CCDC141: variants seen among roughly 807,000 people sequenced by gnomAD.
The protein encoded by CCDC141 is coiled-coil domain containing 141.
Under a neutral mutation model 181.0 loss-of-function variants are expected in CCDC141, and 168 were observed. The observed-to-expected ratio is 0.93, with a 90% CI of 0.82 to 1.05. The LOEUF is 1.05. CCDC141 is among the 50% of genes least tolerant of loss of function. The probability of loss-of-function intolerance (pLI) is 0.00; values close to 1 mark genes in which losing one functional copy is unlikely to be tolerated. For synonymous variants in CCDC141, 666 were observed against 642.3 expected, an observed-to-expected ratio of 1.04 and a Z score of -0.56; for missense variants, 1,902 against 1,788.5, an observed-to-expected ratio of 1.06 and a Z score of -1.14.
intron 6 of CCDC141, among the ~76,000 whole-genome samples, chr2:178,939,854 CA>C (rs1212278692): frequency 5.9e-5 from 9 of 152,094 alleles, no homozygotes; most frequent in Admixed American, 5.9e-4. Flanking sequence ...AACTCACCCA[CA>C]AGGGGTAAAT....
chr2:178,993,273 G>T (rs774827756), intron 2 of CCDC141, among the ~76,000 whole-genome samples: 2 of 152,174 alleles, frequency 1.3e-5, no homozygotes, highest in African/African-American at 2.4e-5. Context: ...ACATACCCCA[G>T]ACTGGGGAAT....
At chr2:178,854,106 T>C (rs1392488946) in intron 19 of CCDC141, among the ~76,000 whole-genome samples, 3 of 152,244 alleles carry the variant, frequency 2.0e-5, no homozygotes, top group Non-Finnish European at 4.4e-5. Flanking sequence ...AAATAAATTA[T>C]CTTTGAAGAA....
At chr2:179,015,286 C>CATATCTCATCTATATCAT (rs1559049288) in intron 2 of CCDC141, among the ~76,000 whole-genome samples, 3 of 120,862 alleles carry the variant, frequency 2.5e-5, no homozygotes, top group Non-Finnish European at 3.4e-5. Context: ...ATCTATCTCT[C>CATATCTCATCTATATCAT]ATATATCTCA....
At chr2:178,961,538 G>T in intron 4 of CCDC141, 55 bp from the exon 5 acceptor site, 1 of 1,285,488 alleles carries the variant, frequency 7.8e-7, no homozygotes, top group Non-Finnish European at 1.1e-6. Context: ...CTTTTATACA[G>T]CAATATTCAG....
At chr2:179,017,931 C>T (rs1046010835) in intron 2 of CCDC141, among the ~76,000 whole-genome samples, 3 of 152,064 alleles carry the variant, frequency 2.0e-5, no homozygotes, top group Admixed American at 6.6e-5. Context: ...TCCTCTCCTA[C>T]TTGCTTAGTC....
chr2:178,909,393 T>G (rs186309829), intron 7 of CCDC141, among the ~76,000 whole-genome samples: 74 of 152,316 alleles, frequency 4.9e-4, no homozygotes, highest in Non-Finnish European at 9.7e-4. Flanking sequence ...TACTCCTTCA[T>G]TAGCTCAACA....
chr2:178,916,231 T>C (rs1688440321), intron 7 of CCDC141, among the ~76,000 whole-genome samples: 1 of 152,222 alleles, frequency 6.6e-6, no homozygotes, highest in African/African-American at 2.4e-5. Context: ...TAATTCATTA[T>C]ATAAACTGAA....
chr2:178,990,700 G>C (rs924419619), intron 2 of CCDC141, among the ~76,000 whole-genome samples: 1 of 151,862 alleles, frequency 6.6e-6, no homozygotes, highest in Non-Finnish European at 1.5e-5. Flanking sequence ...AAAGTGAAAC[G>C]CCAAAGGTCA....
At chr2:179,006,740 T>G (rs964542233) in intron 2 of CCDC141, among the ~76,000 whole-genome samples, 1 of 152,230 alleles carries the variant, frequency 6.6e-6, no homozygotes, top group Non-Finnish European at 1.5e-5. Context: ...TTGTTTTCAC[T>G]GTTGAAGAGA....
chr2:179,027,646 C>CAAAAAAAA (rs71023466), intron 2 of CCDC141, among the ~76,000 whole-genome samples: 28 of 53,278 alleles, frequency 5.3e-4, no homozygotes, highest in African/African-American at 1.8e-3. Context: ...CTCTTACTCT[C>CAAAAAAAA]AAAAAAAAAA....
chr2:178,981,636 G>GTATATATATATATATATGTATATATA (rs1553495305), intron 2 of CCDC141, among the ~76,000 whole-genome samples: 1 of 62,404 alleles, frequency 1.6e-5, no homozygotes, highest in Non-Finnish European at 3.2e-5. Context: ...GTGTGTGTGT[G>GTATATATATATATATATGTATATATA]TATATATATA....
intron 6 of CCDC141, among the ~76,000 whole-genome samples, chr2:178,941,950 T>C (rs1308849870): frequency 2.4e-5 from 2 of 83,300 alleles, no homozygotes; most frequent in Admixed American, 2.1e-4. Context: ...CAGAGAGAGA[T>C]CCCATCTCAA....
At position 179,047,392 on chromosome 2, in the gene CCDC141, T is replaced by C. The variant is rs1048965795; in HGVS notation, c.117A>G (p.Val39=). The part of the protein sequence containing the change: ...VIAVIKCGKW[V]QLQLAESQPN... ...GCTGTGATTCAGCCAGTTGAAGTTG[T>C]ACCCATTTGCCACACTAAAAATAAA... The change falls in exon 2 of 24, where the codon GTA becomes GTG. Residue 39 remains valine, a synonymous_variant. Transcript: ENST00000443758. 9.9e-6 allele frequency: 15 copies of C among 1,521,178 alleles called. No homozygotes were observed. The highest frequency in any genetic ancestry group is 1.3e-5 in the Non-Finnish European group (15 of 1,137,254). The allele number at this position is 1,521,178 out of a possible 1,614,324, so 94.2% of individuals were successfully genotyped here. A position where few individuals can be genotyped will look rare whatever the true frequency, so the allele number is the denominator to read the frequency against.
intron 2 of CCDC141, among the ~76,000 whole-genome samples, chr2:178,979,894 T>A (rs943342986): frequency 1.3e-5 from 2 of 152,160 alleles, no homozygotes; most frequent in South Asian, 2.1e-4. Flanking sequence ...CTACTACATT[T>A]AAAAACTTTA....
In CCDC141 at chr2:178,989,829, T is replaced by TAAA. The variant is rs71023463; in HGVS notation, c.226-11157_226-11155dup. ...ACACCCACTAGGATAGCTATAATCTTAAAAAAAAAAAAAAAAAAAAAAAAA... is the reference window on the plus strand; with the variant it reads ...ACACCCACTAGGATAGCTATAATCTTAAAAAAAAAAAAAAAAAAAAAAAAAAAA... On this transcript the variant is annotated intron_variant, in intron 2 of 23. Coordinates refer to ENST00000443758, the MANE Select transcript of CCDC141 (RefSeq NM_173648.4). Among the ~76,000 whole-genome samples the TAAA allele has an allele frequency of 7.6e-4, 62 of 81,390 alleles. 2 individuals carry two copies. The highest frequency in any genetic ancestry group is 1.1e-3 in the African/African-American group (22 of 20,254). 53.4% of individuals were successfully genotyped at this position (81,390 alleles called of 152,430 possible).
intron 2 of CCDC141, among the ~76,000 whole-genome samples, chr2:179,024,915 A>G (rs1196144217): frequency 1.3e-5 from 2 of 152,136 alleles, no homozygotes; most frequent in African/African-American, 4.8e-5. Flanking sequence ...AACTTTTTAA[A>G]AAAAACATAC....
At chr2:178,959,589 T>C (rs185814629) in intron 5 of CCDC141, among the ~76,000 whole-genome samples, 3 of 152,308 alleles carry the variant, frequency 2.0e-5, no homozygotes, top group Admixed American at 6.5e-5. Context: ...CATTGGACGA[T>C]AATGCTTTGG....
chr2:178,965,500 C>T (rs921721660), intron 4 of CCDC141, among the ~76,000 whole-genome samples: 2 of 152,152 alleles, frequency 1.3e-5, no homozygotes, highest in Non-Finnish European at 2.9e-5. Flanking sequence ...TGGGGCGTCA[C>T]CTCACCCAGG....
chr2:179,006,100 G>A (rs916612764), intron 2 of CCDC141, among the ~76,000 whole-genome samples: 1 of 152,124 alleles, frequency 6.6e-6, no homozygotes, highest in African/African-American at 2.4e-5. Context: ...TTCCTCTCAG[G>A]CAGCTTCAAG....
Sources: allele counts gnomAD v4.1 joint callset (sites outside exome capture counted in the v4.1 genomes callset), GRCh38; gene constraint gnomAD v4.1.1; transcripts MANE v1.5; gene names NCBI Gene and HGNC (gene_info 2026-07-23, HGNC 2026-07-21).